Variants in CNTROB observed in about 807,000 individuals in gnomAD.
CNTROB encodes centrobin, centriole duplication and spindle assembly protein.
CNTROB carries 82 observed loss-of-function variants against 115.7 expected under a neutral mutation model. That is an observed-to-expected ratio of 0.71 (90% CI 0.59 to 0.85). CNTROB has a LOEUF of 0.85. CNTROB is among the 40% of genes least tolerant of loss of function. The pLI is 0.00. For synonymous variants in CNTROB, 439 were observed against 456.4 expected (o/e 0.96, Z 0.49); for missense variants, 1,014 against 1,144.4 (o/e 0.89, Z 1.64).
rs964766328 is a variant in CNTROB at position 7,943,091 on chromosome 17, G to A, written c.1312-300G>A. Among the ~76,000 whole-genome samples the A allele has an allele frequency of 2.0e-4, 30 of 152,104 alleles. No individual in the cohort carries two copies. The highest frequency in any genetic ancestry group is 3.8e-4 in the Non-Finnish European group (26 of 67,988). ...GCTAGGATTACAGGCGTGAGCCACC[G>A]CGCCCAGCCTCAGGGTATGTTATAT... On this transcript the variant is annotated intron_variant, in intron 9 of 18. Transcript: ENST00000563694. This position sits in a 1 kb window ranked among gnomAD's most constrained non-coding sequence, Gnocchi z 4.7.
rs1973279242 is a variant in CNTROB, at chr17:7,937,166, A to C, written c.831A>C (p.Thr277=). ...AELTRSKQQE[T]VTRLEQSLSE... Reference sequence around the variant, plus strand: ...CTGTATTCCTCTCTTCCTGAAAGACAGTAACCCGCCTGGAACAAAGCCTTT... The same window carrying C: ...CTGTATTCCTCTCTTCCTGAAAGACCGTAACCCGCCTGGAACAAAGCCTTT... Residue 277 remains threonine, a splice_region_variant and synonymous_variant, in exon 7 of 19, where the codon ACA becomes ACC. Coordinates refer to ENST00000563694, the MANE Select transcript of CNTROB (RefSeq NM_053051.5). 1.9e-6 allele frequency: 3 copies of C among 1,614,188 alleles called. No individual in the cohort carries two copies. Among genetic ancestry groups the C allele is most frequent in the Non-Finnish European group, 1.7e-6 (2 of 1,180,004 alleles).
Position 7,943,591 on chromosome 17 carries a change from TTCCCTTCAA to T in CNTROB, c.1445+74_1445+82del. On this transcript the variant is annotated intron_variant, in intron 10 of 18. Transcript: ENST00000563694. The surrounding 1 kb of genome is among the most constrained non-coding windows in gnomAD (Gnocchi z 4.7). ...ACGTATCGTTAGTGCCAGGCCTGTGTTCCCTTCAATCCCTTTGCCATGGTCCAGCACTGT... is the reference window on the plus strand; with the variant it reads ...ACGTATCGTTAGTGCCAGGCCTGTGTTCCCTTTGCCATGGTCCAGCACTGT... 1 of 1,519,570 alleles carries T rather than the reference TTCCCTTCAA, an allele frequency of 6.6e-7. No individual in the cohort carries two copies. The highest frequency in any genetic ancestry group is 1.4e-5 in the African/African-American group (1 of 73,252). 94.1% of individuals were successfully genotyped at this position (1,519,570 alleles called of 1,614,324 possible). A position where few individuals can be genotyped will look rare whatever the true frequency, so the allele number is the denominator to read the frequency against.
At chr17:7,935,169 G>GA (rs754840329) in intron 4 of CNTROB, 24 bp downstream of exon 4, 2 of 1,613,634 alleles carry the variant, frequency 1.2e-6, no homozygotes, top group East Asian at 4.5e-5. Context: ...GCTTCCTTTC[G>GA]AAAGCAGCAA....
In CNTROB at chr17:7,944,712, C is replaced by T. The variant is rs1008002005; in HGVS notation, c.1734+74C>T. 2.6e-6 allele frequency: 4 copies of T among 1,514,100 alleles called. No individual in the cohort carries two copies. The allele number at this position is 1,514,100 out of a possible 1,614,324, so 93.8% of individuals were successfully genotyped here. On this transcript the variant is annotated intron_variant, in intron 12 of 18. Transcript: ENST00000563694. The surrounding 1 kb of genome is among the most constrained non-coding windows in gnomAD (Gnocchi z 4.0). ...TTTTTATTTTTGAGACAGGGTCTCACTCTTGCCCAGGCTGGAGTGTACTGG... is the reference window on the plus strand; with the variant it reads ...TTTTTATTTTTGAGACAGGGTCTCATTCTTGCCCAGGCTGGAGTGTACTGG...
chr17:7,948,784 T>C lies in CNTROB; in HGVS notation c.2513+165T>C, dbSNP rs1426062472. On this transcript the variant is annotated intron_variant, in intron 17 of 18. Transcript: ENST00000563694. This position sits in a 1 kb window ranked among gnomAD's most constrained non-coding sequence, Gnocchi z 4.4. ...ATCTTCTCTAACTGCCCCACACTTTTCTTTTATCTCCTCCTTTCTATTGCT... is the reference window on the plus strand; with the variant it reads ...ATCTTCTCTAACTGCCCCACACTTTCCTTTTATCTCCTCCTTTCTATTGCT... 2 of 1,538,226 alleles carry C rather than the reference T, an allele frequency of 1.3e-6. No individual in the cohort carries two copies. The highest frequency in any genetic ancestry group is 4.7e-5 in the East Asian group (2 of 42,450).
At position 7,936,710 on chromosome 17, in the gene CNTROB, C is replaced by CG; in HGVS notation, c.722dup (p.Val242CysfsTer9). 2 of 1,441,690 alleles carry CG rather than the reference C, an allele frequency of 1.4e-6. No homozygotes were observed. The highest frequency in any genetic ancestry group is 2.0e-6 in the Non-Finnish European group (2 of 1,022,720). The allele number at this position is 1,441,690 out of a possible 1,614,324, so 89.3% of individuals were successfully genotyped here. On this transcript the variant is annotated frameshift_variant, in exon 6 of 19. Coordinates refer to ENST00000563694, the MANE Select transcript of CNTROB (RefSeq NM_053051.5). LOFTEE classifies it high-confidence loss of function. ...ACTTGCCCTACCTAAGACCCTGGCC[C>CG]GTGTGGTGGAGGGCTGGAACCGGCA... is the stretch of plus-strand genomic sequence containing the variant.
Position 7,945,734 on chromosome 17 carries a change from CCTG to C in CNTROB, c.1745_1747del (p.Ala582del). 6.2e-7 allele frequency: 1 copy of C among 1,614,012 alleles called. No homozygotes were observed. Among genetic ancestry groups the C allele is most frequent in the South Asian group, 1.1e-5 (1 of 91,082 alleles). Reference sequence around the variant, plus strand: ...CTGCCTCTCTCCTGGTCAGGCTCCTCCTGCTGGACCCTCCAGCCCCGGGCCTCA... The same window carrying C: ...CTGCCTCTCTCCTGGTCAGGCTCCTCCTGGACCCTCCAGCCCCGGGCCTCA... On this transcript the variant is annotated inframe_deletion, in exon 13 of 19. Transcript: ENST00000563694.
intron 4 of CNTROB, 79 bp from the exon 5 acceptor site, chr17:7,936,287 C>T (rs778597949): frequency 1.0e-5 from 8 of 774,052 alleles, no homozygotes; most frequent in Admixed American, 1.7e-5. Context: ...CCCACTCCCC[C>T]ACTAGAGGAG....
chr17:7,940,488 A>C (rs971322612), intron 9 of CNTROB, among the ~76,000 whole-genome samples: 2 of 152,258 alleles, frequency 1.3e-5, no homozygotes. Flanking sequence ...ATTTAAATCT[A>C]TTAAAGATAC....
At position 7,944,626 on chromosome 17, in the gene CNTROB, G is replaced by T; in HGVS notation, c.1722G>T (p.Pro574=). The T allele has an allele frequency of 3.1e-6, 5 of 1,609,574 alleles. No homozygotes were observed. The highest frequency in any genetic ancestry group is 1.3e-5 in the African/African-American group (1 of 74,914). The part of the protein sequence containing the change: ...ANQLLSTTLP[P]PNPPAPPAGP... ...AGCTGCTCAGCACCACTCTCCCGCC[G>T]CCCAACCCTCCAGTACGCCTTACCC... The change falls in exon 12 of 19, where the codon CCG becomes CCT. Residue 574 remains proline, a synonymous_variant. Coordinates refer to ENST00000563694, the MANE Select transcript of CNTROB (RefSeq NM_053051.5). The surrounding 1 kb of genome is among the most constrained non-coding windows in gnomAD (Gnocchi z 4.0).
chr17:7,948,983 C>G lies in CNTROB; in HGVS notation c.2514-102C>G. 2 of 1,600,532 alleles carry G rather than the reference C, an allele frequency of 1.2e-6. No homozygotes were observed. The highest frequency in any genetic ancestry group is 1.7e-6 in the Non-Finnish European group (2 of 1,171,710). On this transcript the variant is annotated intron_variant, in intron 17 of 18. Coordinates refer to ENST00000563694, the MANE Select transcript of CNTROB (RefSeq NM_053051.5). The surrounding 1 kb of genome is among the most constrained non-coding windows in gnomAD (Gnocchi z 4.4). ...GATGCCCAGGTCTATCGAGTTTGAT[C>G]TTATTCTTAAGAGATAGAATTGGGG...
At chr17:7,936,616 A>G (rs1360354577) in intron 5 of CNTROB, 85 bp from the exon 6 acceptor site, 1 of 801,660 alleles carries the variant, frequency 1.2e-6, no homozygotes, top group African/African-American at 1.7e-5. Flanking sequence ...GACTGTTGGG[A>G]GAAGATGGCT....
At position 7,948,389 on chromosome 17, in the gene CNTROB, C is replaced by G; in HGVS notation, c.2380+62C>G. 2.5e-6 allele frequency: 4 copies of G among 1,606,796 alleles called. No homozygotes were observed. The highest frequency in any genetic ancestry group is 3.4e-6 in the Non-Finnish European group (4 of 1,173,642). ...GACAGTCCTGAGTGTGGATCCAGTA[C>G]AGGCACTTACAGTCCTTCTGAATTC... On this transcript the variant is annotated intron_variant, in intron 16 of 18. Coordinates refer to ENST00000563694, the MANE Select transcript of CNTROB (RefSeq NM_053051.5). The surrounding 1 kb of genome is among the most constrained non-coding windows in gnomAD (Gnocchi z 4.4).
At chr17:7,945,035 C>T (rs575956875) in intron 12 of CNTROB, among the ~76,000 whole-genome samples, 1 of 152,358 alleles carries the variant, frequency 6.6e-6, no homozygotes, top group South Asian at 2.1e-4. Context: ...GGGCATAACT[C>T]TAGTCTCCCA....
chr17:7,937,129 A>G, intron 6 of CNTROB, 35 bp from the exon 7 acceptor site: 1 of 1,611,824 alleles, frequency 6.2e-7, no homozygotes, highest in East Asian at 2.2e-5. Flanking sequence ...GATTTCCCAC[A>G]GTTCCTCTGC....
At chr17:7,937,631 GTC>G (rs1407063056) in intron 7 of CNTROB, among the ~76,000 whole-genome samples, 1 of 151,854 alleles carries the variant, frequency 6.6e-6, no homozygotes, top group Non-Finnish European at 1.5e-5. Context: ...GTGAAACCCC[GTC>G]TCTACTAAAA....
intron 3 of CNTROB, 101 bp downstream of exon 3, chr17:7,934,647 C>G (rs905406963): frequency 3.5e-5 from 36 of 1,032,804 alleles, no homozygotes; most frequent in Non-Finnish European, 5.2e-5. Flanking sequence ...CTCTTAAGAA[C>G]CCAAGAGGCT....
chr17:7,937,708 C>G (rs1057281332), intron 7 of CNTROB, among the ~76,000 whole-genome samples: 1 of 152,022 alleles, frequency 6.6e-6, no homozygotes, highest in Non-Finnish European at 1.5e-5. Context: ...GAGGCTGAGG[C>G]AGGAGAATTG....
rs1043872416 is a variant in CNTROB, at chr17:7,936,466, T to C, written c.695T>C (p.Ile232Thr). The C allele has an allele frequency of 2.8e-6, 4 of 1,427,242 alleles. No individual in the cohort carries two copies. Among genetic ancestry groups the C allele is most frequent in the Non-Finnish European group, 4.0e-6 (4 of 1,009,400 alleles). 88.4% of individuals were successfully genotyped at this position (1,427,242 alleles called of 1,614,324 possible). A position where few individuals can be genotyped will look rare whatever the true frequency, so the allele number is the denominator to read the frequency against. Residue 232 changes from isoleucine (I) to threonine (T), a missense_variant, in exon 5 of 19, where the codon ATT becomes ACT. Physicochemically the swap from Ile to Thr is moderately conservative, Grantham distance 89. Transcript: ENST00000563694. ...VAADRKKDTM[I>T]EQLDKTLARV... ...GCCGACCGCAAGAAAGATACCATGA[T>C]TGAACAACTGGACAAGGTACCAGGG...
Sources: allele counts gnomAD v4.1 joint callset (sites outside exome capture counted in the v4.1 genomes callset), GRCh38; gene constraint gnomAD v4.1.1; non-coding constraint Gnocchi (gnomAD v3.1); transcripts MANE v1.5; gene names NCBI Gene and HGNC (gene_info 2026-07-23, HGNC 2026-07-21).